Variants in DRC8 observed in about 807,000 individuals in gnomAD.
The protein encoded by DRC8 is dynein regulatory complex subunit 8, also known as dynein regulatory complex protein 8.
At chr1:245,071,744 A>G in the DRC8 span, among the ~76,000 whole-genome samples, 1 of 152,264 alleles carries the variant, frequency 6.6e-6, no homozygotes, top group Admixed American at 6.5e-5. Context: ...GAGAACAAAC[A>G]GAAAGATTTT....
chr1:245,095,258 C>T, the DRC8 span, among the ~76,000 whole-genome samples: 4 of 152,184 alleles, frequency 2.6e-5, no homozygotes, highest in African/African-American at 9.7e-5. Flanking sequence ...GACCTTGCTT[C>T]TAGGCAGCCA....
chr1:245,089,884 C>T, the DRC8 span, among the ~76,000 whole-genome samples: 21 of 152,118 alleles, frequency 1.4e-4, 1 homozygote, highest in Non-Finnish European at 1.5e-4. The surrounding 1 kb of genome is among the most constrained non-coding windows in gnomAD (Gnocchi z 4.8). Context: ...AATGAACCAA[C>T]GCTTGTGGTC....
chr1:245,074,246 A>G, the DRC8 span, among the ~76,000 whole-genome samples: 3 of 152,326 alleles, frequency 2.0e-5, no homozygotes, highest in African/African-American at 7.2e-5. Flanking sequence ...CTTTTCCTCC[A>G]ATCATATTGC....
At chr1:245,051,155 T>C in the DRC8 span, among the ~76,000 whole-genome samples, 1 of 151,926 alleles carries the variant, frequency 6.6e-6, no homozygotes, top group African/African-American at 2.4e-5. Context: ...TTTGGGAGGC[T>C]GAGGTAGGAG....
chr1:245,003,974 C>T, the DRC8 span, among the ~76,000 whole-genome samples: 1 of 149,290 alleles, frequency 6.7e-6, no homozygotes, highest in Admixed American at 6.8e-5. Flanking sequence ...AAGCTATTAG[C>T]TTGCTGAGTA....
chr1:245,004,917 AT>A, the DRC8 span, among the ~76,000 whole-genome samples: 1 of 152,254 alleles, frequency 6.6e-6, no homozygotes, highest in Non-Finnish European at 1.5e-5. Context: ...ACAGTGTGAC[AT>A]TTTGATATGT....
At chr1:245,099,199 C>A in the DRC8 span, among the ~76,000 whole-genome samples, 1 of 152,180 alleles carries the variant, frequency 6.6e-6, no homozygotes, top group Admixed American at 6.5e-5. Context: ...ATCGCCTGAG[C>A]AGCCCTGTCC....
chr1:244,978,506 A>C, the DRC8 span, among the ~76,000 whole-genome samples: 2 of 151,504 alleles, frequency 1.3e-5, no homozygotes, highest in African/African-American at 4.8e-5. Flanking sequence ...AAAAAAAAAA[A>C]AGAGACGAGG....
the DRC8 span, among the ~76,000 whole-genome samples, chr1:244,972,081 A>G: frequency 3.9e-5 from 6 of 152,166 alleles, no homozygotes; most frequent in African/African-American, 1.4e-4. Context: ...TGGTACAAAT[A>G]CAGTATTTCT....
the DRC8 span, among the ~76,000 whole-genome samples, chr1:244,992,894 C>T: frequency 6.6e-6 from 1 of 152,232 alleles, no homozygotes; most frequent in African/African-American, 2.4e-5. Context: ...TGTAGCTTTA[C>T]TGGGTGATTG....
the DRC8 span, among the ~76,000 whole-genome samples, chr1:245,062,547 C>T: frequency 2.0e-5 from 3 of 152,132 alleles, no homozygotes; most frequent in African/African-American, 7.2e-5. Flanking sequence ...AGGTCTATGT[C>T]TTCTGAAGTT....
At chr1:244,999,058 C>CAAAAAAAAAAAAA in the DRC8 span, among the ~76,000 whole-genome samples, 6 of 83,680 alleles carry the variant, frequency 7.2e-5, no homozygotes, top group East Asian at 7.6e-4. Flanking sequence ...GATCCTGGGT[C>CAAAAAAAAAAAAA]AAAAAAAAAA....
chr1:245,083,524 A>C, the DRC8 span: 1 of 1,587,528 alleles, frequency 6.3e-7, no homozygotes, highest in Non-Finnish European at 8.6e-7. Flanking sequence ...CATATATATA[A>C]ATACATTTAT....
chr1:245,116,847 C>T, the DRC8 span, among the ~76,000 whole-genome samples: 44 of 152,090 alleles, frequency 2.9e-4, no homozygotes, highest in Non-Finnish European at 4.7e-4. Flanking sequence ...CTGTGTAGTA[C>T]AAAATATTTT....
the DRC8 span, among the ~76,000 whole-genome samples, chr1:245,052,921 G>A: frequency 2.0e-5 from 3 of 152,206 alleles, no homozygotes; most frequent in African/African-American, 4.8e-5. Context: ...GTCTTTTTAT[G>A]TGAGTTTCTT....
the DRC8 span, among the ~76,000 whole-genome samples, chr1:244,975,889 C>T: frequency 1.3e-5 from 2 of 151,472 alleles, no homozygotes; most frequent in African/African-American, 4.9e-5. Flanking sequence ...ATAAAAAATA[C>T]AATAAAGGAA....
the DRC8 span, among the ~76,000 whole-genome samples, chr1:244,973,653 A>G: frequency 6.6e-6 from 1 of 152,342 alleles, no homozygotes; most frequent in African/African-American, 2.4e-5. Context: ...GTGCCACGGT[A>G]TTCACTAGCA....
the DRC8 span, among the ~76,000 whole-genome samples, chr1:245,010,355 A>G: frequency 3.3e-5 from 5 of 152,246 alleles, no homozygotes; most frequent in Non-Finnish European, 7.3e-5. Context: ...CACCTGGAAC[A>G]GAAACTTCTC....
the DRC8 span, among the ~76,000 whole-genome samples, chr1:244,983,739 CA>C: frequency 1.9e-3 from 188 of 100,976 alleles, no homozygotes; most frequent in African/African-American, 5.5e-3. Flanking sequence ...GACTCTGTCT[CA>C]AAAAAAAAAA....
Sources: gnomAD v4.1 joint callset for allele counts (sites outside exome capture counted in the v4.1 genomes callset) on GRCh38, gnomAD v4.1.1 for gene constraint, Gnocchi (gnomAD v3.1) non-coding constraint, MANE v1.5 for transcripts, NCBI Gene and HGNC (gene_info 2026-07-23, HGNC 2026-07-21) for gene names.